PARP8: variants seen among roughly 807,000 people sequenced by gnomAD.
The protein encoded by PARP8 is protein mono-ADP-ribosyltransferase PARP8.
Under a neutral mutation model 124.1 loss-of-function variants are expected in PARP8, and 51 were observed. That is an observed-to-expected ratio of 0.41 (90% CI 0.33 to 0.52). The LOEUF is 0.52. Among genes scored for constraint, PARP8 ranks in the 20% least tolerant of loss-of-function variants. The pLI, the probability that PARP8 is intolerant of heterozygous loss-of-function variation, is 0.21. For missense variants in PARP8, 860 were observed against 1,018.9 expected, an observed-to-expected ratio of 0.84 and a Z score of 2.12; for synonymous variants, 391 against 361.5, an observed-to-expected ratio of 1.08 and a Z score of -0.93.
chr5:50,763,025 AT>A, intron 6 of PARP8, 122 bp from the exon 7 acceptor site: 1 of 637,188 alleles, frequency 1.6e-6, no homozygotes, highest in Non-Finnish European at 2.8e-6. Context: ...TAGTGAATAT[AT>A]TACTTTATTG....
Position 50,843,793 on chromosome 5 carries a change from A to G in PARP8, c.*1725A>G, listed in dbSNP as rs996355188. On this transcript the variant is annotated 3_prime_UTR_variant, in exon 26 of 26. Coordinates refer to ENST00000281631, the MANE Select transcript of PARP8 (RefSeq NM_024615.4). ...TGCCAAGATGCTGCAAGTCTCCCAAATCACTTCAACTGTGTTTTTAAAACA... is the reference window on the plus strand; with the variant it reads ...TGCCAAGATGCTGCAAGTCTCCCAAGTCACTTCAACTGTGTTTTTAAAACA... 2 of 151,794 alleles carry G rather than the reference A, an allele frequency of 1.3e-5. No individual in the cohort carries two copies. The highest frequency in any genetic ancestry group is 6.6e-5 in the Admixed American group (1 of 15,188). The allele number at this position is 151,794 out of a possible 1,614,324, so 9.4% of individuals were successfully genotyped here.
chr5:50,787,915 G>A (rs1170281959), intron 9 of PARP8, among the ~76,000 whole-genome samples: 2 of 149,270 alleles, frequency 1.3e-5, no homozygotes, highest in Non-Finnish European at 3.0e-5. Flanking sequence ...ATGTATATAT[G>A]TTATATGTAC....
At chr5:50,777,409 A>G (rs1278657683) in intron 7 of PARP8, among the ~76,000 whole-genome samples, 1 of 152,194 alleles carries the variant, frequency 6.6e-6, no homozygotes, top group African/African-American at 2.4e-5. Context: ...CAGATGTGTT[A>G]TATATGGAGA....
At chr5:50,720,153 T>C (rs886629221) in intron 2 of PARP8, among the ~76,000 whole-genome samples, 1 of 152,084 alleles carries the variant, frequency 6.6e-6, no homozygotes, top group Non-Finnish European at 1.5e-5. Flanking sequence ...ATCCTTATAT[T>C]GTTGTTTGCA....
chr5:50,765,016 C>T (rs2149584460), intron 7 of PARP8, among the ~76,000 whole-genome samples: 1 of 151,844 alleles, frequency 6.6e-6, no homozygotes, highest in East Asian at 1.9e-4. Context: ...AATCCTAGCA[C>T]TTTGGGAGGC....
At chr5:50,800,593 G>C (rs2149662700) in intron 14 of PARP8, among the ~76,000 whole-genome samples, 1 of 152,096 alleles carries the variant, frequency 6.6e-6, no homozygotes, top group East Asian at 1.9e-4. Flanking sequence ...TCTAGTCCTA[G>C]TTGTTAGGTG....
intron 2 of PARP8, among the ~76,000 whole-genome samples, chr5:50,709,347 C>G (rs1420127391): frequency 6.6e-6 from 1 of 150,486 alleles, no homozygotes; most frequent in South Asian, 2.1e-4. Context: ...TTTTCTTTTT[C>G]TTTTGAAAAT....
chr5:50,699,083 GA>G (rs369788266), intron 2 of PARP8, among the ~76,000 whole-genome samples: 5 of 152,286 alleles, frequency 3.3e-5, no homozygotes, highest in Non-Finnish European at 7.4e-5. Context: ...TGTCCACTTG[GA>G]AAAGGTTAAA....
intron 2 of PARP8, among the ~76,000 whole-genome samples, chr5:50,714,735 C>T (rs866200189): frequency 1.3e-5 from 2 of 152,118 alleles, no homozygotes; most frequent in African/African-American, 4.8e-5. Flanking sequence ...GGAACCAGGG[C>T]TTTCCAACTC....
At chr5:50,676,337 C>A (rs1160493563) in intron 2 of PARP8, among the ~76,000 whole-genome samples, 1 of 152,198 alleles carries the variant, frequency 6.6e-6, no homozygotes, top group African/African-American at 2.4e-5. Flanking sequence ...ACAAAGAAAG[C>A]TTTGGTTAAC....
intron 1 of PARP8, chr5:50,667,615 G>A: frequency 1.4e-6 from 1 of 699,038 alleles, no homozygotes; most frequent in Non-Finnish European, 2.6e-6. Context: ...AGCTGCGCCC[G>A]GCGCCGAGGA....
chr5:50,699,293 T>C (rs1465404598), intron 2 of PARP8, among the ~76,000 whole-genome samples: 1 of 152,228 alleles, frequency 6.6e-6, no homozygotes, highest in African/African-American at 2.4e-5. Context: ...ACTGGGTTCA[T>C]TGACTCTTTG....
intron 7 of PARP8, among the ~76,000 whole-genome samples, chr5:50,773,350 G>A (rs774972658): frequency 6.6e-6 from 1 of 152,138 alleles, no homozygotes; most frequent in Non-Finnish European, 1.5e-5. Flanking sequence ...GTTGATTTTT[G>A]TATATGAAGA....
intron 2 of PARP8, among the ~76,000 whole-genome samples, chr5:50,691,528 C>T (rs1477306016): frequency 6.6e-6 from 1 of 152,192 alleles, no homozygotes; most frequent in Non-Finnish European, 1.5e-5. Flanking sequence ...TTTTAAATGA[C>T]AGTGTAATTT....
At chr5:50,757,810 G>T (rs1457981276) in intron 3 of PARP8, among the ~76,000 whole-genome samples, 1 of 152,060 alleles carries the variant, frequency 6.6e-6, no homozygotes, top group Non-Finnish European at 1.5e-5. Context: ...ACCTCTTGGT[G>T]TTTTAGTAAA....
At chr5:50,721,081 TG>T (rs1219674261) in intron 2 of PARP8, among the ~76,000 whole-genome samples, 1 of 150,804 alleles carries the variant, frequency 6.6e-6, no homozygotes, top group Admixed American at 6.6e-5. Flanking sequence ...TTAAAATAAT[TG>T]TTTTTTTTTT....
At chr5:50,806,004 T>C (rs1342047570) in intron 14 of PARP8, among the ~76,000 whole-genome samples, 2 of 152,084 alleles carry the variant, frequency 1.3e-5, no homozygotes, top group African/African-American at 2.4e-5. Context: ...CTGTTGATAT[T>C]GATCTATTGC....
chr5:50,783,454 C>T (rs1369066035), intron 9 of PARP8, among the ~76,000 whole-genome samples: 2 of 152,184 alleles, frequency 1.3e-5, no homozygotes, highest in African/African-American at 4.8e-5. Flanking sequence ...TTTTGATTTA[C>T]ATAAATGCTA....
chr5:50,721,130 G>T (rs1755837887), intron 2 of PARP8, among the ~76,000 whole-genome samples: 2 of 150,502 alleles, frequency 1.3e-5, no homozygotes, highest in Non-Finnish European at 1.5e-5. Flanking sequence ...AAATATTTCT[G>T]AGATGGGATA....
Sources: allele counts gnomAD v4.1 joint callset (sites outside exome capture counted in the v4.1 genomes callset), GRCh38; gene constraint gnomAD v4.1.1; transcripts MANE v1.5; gene names NCBI Gene and HGNC (gene_info 2026-07-23, HGNC 2026-07-21).